ZDHHC21: variants seen among roughly 807,000 people sequenced by gnomAD.
ZDHHC21 encodes zDHHC palmitoyltransferase 21.
In ZDHHC21, 15 loss-of-function variants were observed where a neutral mutation model predicts 34.6. That is an observed-to-expected ratio of 0.43 (90% confidence interval 0.29 to 0.67). ZDHHC21 has a LOEUF of 0.67. Among genes scored for constraint, ZDHHC21 ranks in the 30% least tolerant of loss-of-function variants. The pLI, the probability that ZDHHC21 is intolerant of heterozygous loss-of-function variation, is 0.14. For missense variants in ZDHHC21, 344 were observed against 327.7 expected (o/e 1.05, Z -0.38); for synonymous variants, 142 against 101.8 (o/e 1.40, Z -2.38).
intron 7 of ZDHHC21, among the ~76,000 whole-genome samples, chr9:14,650,532 G>C (rs1354366491): frequency 1.3e-5 from 2 of 151,734 alleles, no homozygotes; most frequent in Non-Finnish European, 2.9e-5. Context: ...TATTATTAAG[G>C]CTACAATATT....
At chr9:14,622,176 C>G (rs1825425432) in intron 8 of ZDHHC21, among the ~76,000 whole-genome samples, 1 of 152,014 alleles carries the variant, frequency 6.6e-6, no homozygotes. Context: ...TTTCCTCAGT[C>G]TACATGACCA....
chr9:14,665,547 CA>C (rs1834268930), intron 5 of ZDHHC21, among the ~76,000 whole-genome samples: 1 of 151,674 alleles, frequency 6.6e-6, no homozygotes. Context: ...ACATAATTGT[CA>C]GATTCACCAA....
At chr9:14,619,598 C>T (rs1448423737) in intron 9 of ZDHHC21, 41 bp downstream of exon 9, 1 of 1,337,298 alleles carries the variant, frequency 7.5e-7, no homozygotes, top group Non-Finnish European at 1.0e-6. Context: ...CCAGTTCTTT[C>T]CAATTTTAAA....
rs1823916188 is a variant in ZDHHC21 at position 14,614,922 on chromosome 9, T to C, written c.*4044A>G. 6.6e-6 allele frequency: 1 copy of C among 151,684 alleles called. No homozygotes were observed. The highest frequency in any genetic ancestry group is 1.5e-5 in the Non-Finnish European group (1 of 67,694). 9.4% of individuals were successfully genotyped at this position (151,684 alleles called of 1,614,324 possible). ...CATGTCAGAAACTTATTCAATAAAG[T>C]AACTATAGGTTATTAAACTTGGTAA... On this transcript the variant is annotated 3_prime_UTR_variant, in exon 10 of 10. Coordinates refer to ENST00000380916, the MANE Select transcript of ZDHHC21 (RefSeq NM_178566.6).
chr9:14,646,861 T>C (rs1169697292), intron 7 of ZDHHC21, among the ~76,000 whole-genome samples: 2 of 152,190 alleles, frequency 1.3e-5, no homozygotes, highest in African/African-American at 4.8e-5. Flanking sequence ...TTTGTTGTTT[T>C]GTCTCTCTTA....
At chr9:14,632,743 C>G (rs2133603211) in intron 8 of ZDHHC21, among the ~76,000 whole-genome samples, 1 of 151,890 alleles carries the variant, frequency 6.6e-6, no homozygotes, top group East Asian at 1.9e-4. Flanking sequence ...CATAACCTTT[C>G]TAACTCAACA....
At chr9:14,636,250 G>T (rs1466804271) in intron 8 of ZDHHC21, among the ~76,000 whole-genome samples, 1 of 152,118 alleles carries the variant, frequency 6.6e-6, no homozygotes, top group South Asian at 2.1e-4. Context: ...GAAACCAAAA[G>T]TAAGCTGGAA....
the ZDHHC21 span, among the ~76,000 whole-genome samples, chr9:14,597,003 G>C: frequency 1.1e-4 from 17 of 152,248 alleles, no homozygotes; most frequent in East Asian, 2.9e-3. Flanking sequence ...AGGTAAGTGA[G>C]AGATCCCCCA....
chr9:14,661,984 T>G (rs1833483268), intron 6 of ZDHHC21, among the ~76,000 whole-genome samples: 1 of 150,508 alleles, frequency 6.6e-6, no homozygotes, highest in Non-Finnish European at 1.5e-5. Context: ...CAGGCTGCAG[T>G]TAATTCTTAC....
chr9:14,630,543 T>A (rs1452699061), intron 8 of ZDHHC21, among the ~76,000 whole-genome samples: 2 of 152,220 alleles, frequency 1.3e-5, no homozygotes, highest in Non-Finnish European at 2.9e-5. Context: ...AAATCGCAAA[T>A]GTTCTTAATG....
chr9:14,653,690 G>T (rs1831659219), intron 7 of ZDHHC21, among the ~76,000 whole-genome samples: 1 of 151,838 alleles, frequency 6.6e-6, no homozygotes. Context: ...CAGAAGTTTT[G>T]CACTGCACAA....
At chr9:14,692,973 G>C (rs1839382273) in intron 1 of ZDHHC21, among the ~76,000 whole-genome samples, 1 of 152,016 alleles carries the variant, frequency 6.6e-6, no homozygotes, top group Non-Finnish European at 1.5e-5. Flanking sequence ...TGAGGGAGGA[G>C]CACTTAGCAA....
At chr9:14,603,297 C>T in the ZDHHC21 span, among the ~76,000 whole-genome samples, 1 of 151,882 alleles carries the variant, frequency 6.6e-6, no homozygotes, top group South Asian at 2.1e-4. Context: ...AACATAAATT[C>T]TTATGTCAAA....
intron 6 of ZDHHC21, among the ~76,000 whole-genome samples, chr9:14,660,236 T>A (rs140047773): frequency 0.032 from 4,812 of 151,774 alleles, 260 homozygotes; most frequent in African/African-American, 0.11. Flanking sequence ...CATGGTGGCA[T>A]GCACTTGTAA....
At chr9:14,690,223 G>A (rs1838964168) in intron 2 of ZDHHC21, 114 bp downstream of exon 2, 1 of 386,950 alleles carries the variant, frequency 2.6e-6, no homozygotes, top group Non-Finnish European at 5.0e-6. Flanking sequence ...CACACCAAGA[G>A]AGATTGGTGG....
intron 2 of ZDHHC21, 67 bp downstream of exon 2, chr9:14,690,270 A>G: frequency 2.3e-6 from 1 of 436,758 alleles, no homozygotes; most frequent in Admixed American, 2.7e-5. Context: ...GATTTCCTTC[A>G]CACCAGGCTT....
At chr9:14,631,789 C>CA (rs112009292) in intron 8 of ZDHHC21, among the ~76,000 whole-genome samples, 20 of 152,268 alleles carry the variant, frequency 1.3e-4, no homozygotes, top group African/African-American at 3.9e-4. Flanking sequence ...GTGAATGCAG[C>CA]AGTCAGAACA....
At chr9:14,619,179 G>T in intron 9 of ZDHHC21, 81 bp from the exon 10 acceptor site, 1 of 1,429,268 alleles carries the variant, frequency 7.0e-7, no homozygotes, top group Non-Finnish European at 9.3e-7. Context: ...GATTGGCTGG[G>T]GATCCATTAC....
chr9:14,628,725 G>C (rs997342996), intron 8 of ZDHHC21, among the ~76,000 whole-genome samples: 9 of 152,108 alleles, frequency 5.9e-5, no homozygotes, highest in Admixed American at 5.9e-4. Context: ...AACATGTGCA[G>C]ATGTATAATT....
Sources: allele counts gnomAD v4.1 joint callset (sites outside exome capture counted in the v4.1 genomes callset), GRCh38; gene constraint gnomAD v4.1.1; transcripts MANE v1.5; gene names NCBI Gene and HGNC (gene_info 2026-07-23, HGNC 2026-07-21).